The following CNOT3 variants were observed in gnomAD, a reference collection of about 807,000 sequenced individuals.
The protein encoded by CNOT3 is CCR4-associated factor 3.
In CNOT3, 2 loss-of-function variants were observed where a neutral mutation model predicts 89.4. That is an observed-to-expected ratio of 0.02 (90% CI 0.01 to 0.07). CNOT3 has a LOEUF of 0.07. Ranked by LOEUF, CNOT3 falls within the 10% of genes least tolerant of loss-of-function variation. The pLI is 1.00. For synonymous variants in CNOT3, 486 were observed against 402.0 expected (o/e 1.21, Z -2.50); for missense variants, 664 against 1,010.2 (o/e 0.66, Z 4.65).
intron 3 of CNOT3, 88 bp from the exon 4 acceptor site, chr19:54,143,354 T>C: frequency 7.3e-7 from 1 of 1,378,130 alleles, no homozygotes; most frequent in Non-Finnish European, 1.0e-6. Context: ...GGGGGGGTCC[T>C]CGAGTCCCTA....
chr19:54,139,009 T>C (rs1001308531), intron 1 of CNOT3, among the ~76,000 whole-genome samples: 1 of 152,170 alleles, frequency 6.6e-6, no homozygotes, highest in African/African-American at 2.4e-5. Flanking sequence ...TGTGGTCTTG[T>C]TGCTGGGGGC....
At chr19:54,154,108 T>C (rs1351493693) in intron 17 of CNOT3, 1 of 671,760 alleles carries the variant, frequency 1.5e-6, no homozygotes, top group African/African-American at 1.8e-5. Context: ...CCCAGCCCAG[T>C]GCCTCCCCTT....
In CNOT3 at chr19:54,153,859, C is replaced by G. The variant is rs1222178868; in HGVS notation, c.2163+19C>G. 1.9e-6 allele frequency: 3 copies of G among 1,614,076 alleles called. No homozygotes were observed. The highest frequency in any genetic ancestry group is 2.5e-6 in the Non-Finnish European group (3 of 1,179,914). On this transcript the variant is annotated intron_variant, in intron 17 of 17. Coordinates refer to ENST00000221232, the MANE Select transcript of CNOT3 (RefSeq NM_014516.4). ...TGAGCAGGTGAGGGCCCCGCCCCCT[C>G]TCTTCCCGCTGCTAGGGTTGGGGTA...
chr19:54,147,444 C>T (rs1457008677), intron 10 of CNOT3, among the ~76,000 whole-genome samples: 1 of 152,196 alleles, frequency 6.6e-6, no homozygotes, highest in Non-Finnish European at 1.5e-5. Context: ...ACTCCAGGGG[C>T]CAGGCTGGGC....
At position 54,145,536 on chromosome 19, in the gene CNOT3, G is replaced by C; in HGVS notation, c.484-62G>C. On this transcript the variant is annotated intron_variant, in intron 7 of 17. Coordinates refer to ENST00000221232, the MANE Select transcript of CNOT3 (RefSeq NM_014516.4). This position sits in a 1 kb window ranked among gnomAD's most constrained non-coding sequence, Gnocchi z 5.9. ...CAGGGACTGAGGACAGGTTCTGTGG[G>C]GGCAGGAGGGGCCAAGCAGGTGCTC... is the stretch of plus-strand genomic sequence containing the variant. The C allele has an allele frequency of 8.7e-7, 1 of 1,147,992 alleles. No individual in the cohort carries two copies. Among genetic ancestry groups the C allele is most frequent in the South Asian group, 1.3e-5 (1 of 78,944 alleles). The allele number at this position is 1,147,992 out of a possible 1,614,324, so 71.1% of individuals were successfully genotyped here.
At position 54,148,872 on chromosome 19, in the gene CNOT3, C is replaced by T. The variant is rs770518097; in HGVS notation, c.1406+129C>T. On this transcript the variant is annotated intron_variant, in intron 12 of 17. Transcript: ENST00000221232. The surrounding 1 kb of genome is among the most constrained non-coding windows in gnomAD (Gnocchi z 6.3). ...GCTGCTGGGAATGGCCAAGCGCTAT[C>T]CTCCATCTCCCTCGGGTGTTACACC... 2.7e-6 allele frequency: 2 copies of T among 747,258 alleles called. No individual in the cohort carries two copies. Among genetic ancestry groups the T allele is most frequent in the Non-Finnish European group, 4.3e-6 (2 of 464,530 alleles). 46.3% of individuals were successfully genotyped at this position (747,258 alleles called of 1,614,324 possible).
Position 54,153,850 on chromosome 19 carries a change from C to T in CNOT3, c.2163+10C>T, listed in dbSNP as rs776810729. 2.5e-6 allele frequency: 4 copies of T among 1,614,118 alleles called. No homozygotes were observed. The highest frequency in any genetic ancestry group is 3.4e-6 in the Non-Finnish European group (4 of 1,179,960). On this transcript the variant is annotated intron_variant, in intron 17 of 17. Coordinates refer to ENST00000221232, the MANE Select transcript of CNOT3 (RefSeq NM_014516.4). ...TGACGAGTTTGAGCAGGTGAGGGCC[C>T]CGCCCCCTCTCTTCCCGCTGCTAGG...
intron 10 of CNOT3, among the ~76,000 whole-genome samples, chr19:54,147,698 T>C (rs1043273639): frequency 1.3e-5 from 2 of 152,230 alleles, no homozygotes; most frequent in Non-Finnish European, 2.9e-5. Context: ...TGTGAGTAGC[T>C]TCTGTGACCC....
chr19:54,149,436 C>A, intron 12 of CNOT3, 124 bp from the exon 13 acceptor site: 2 of 554,708 alleles, frequency 3.6e-6, no homozygotes, highest in South Asian at 5.8e-5. Flanking sequence ...TCTGTCTGCC[C>A]TCACCTGCCC....
intron 9 of CNOT3, 76 bp downstream of exon 9, chr19:54,146,119 A>G (rs1453689343): frequency 1.9e-6 from 3 of 1,552,268 alleles, no homozygotes; most frequent in Admixed American, 3.4e-5. Context: ...GGGTCACTCC[A>G]AAGTGGCTAT....
In CNOT3 at chr19:54,148,401, C is replaced by T. The variant is rs1174900325; in HGVS notation, c.1148C>T (p.Pro383Leu). The T allele has an allele frequency of 1.3e-6, 2 of 1,562,832 alleles. No homozygotes were observed. The highest frequency in any genetic ancestry group is 1.7e-6 in the Non-Finnish European group (2 of 1,153,122). ...QAVAPPAPSG[P>L]STTQPRPPSV... ...GTGGCCCCACCAGCTCCCAGTGGGC[C>T]CAGCACGACCCAGCCCCGGCCCCCC... The change falls in exon 11 of 18, where the codon CCC becomes CTC. Residue 383 changes from proline to leucine, a missense_variant. Pro to Leu is a moderately conservative substitution (Grantham distance 98, BLOSUM62 -3). This residue lies in a region of CNOT3 where 545 missense variants were observed against 566.2 expected (regional missense o/e 0.96). Transcript: ENST00000221232. This position sits in a 1 kb window ranked among gnomAD's most constrained non-coding sequence, Gnocchi z 6.3.
At chr19:54,147,484 A>G (rs1428787524) in intron 10 of CNOT3, among the ~76,000 whole-genome samples, 1 of 152,202 alleles carries the variant, frequency 6.6e-6, no homozygotes, top group African/African-American at 2.4e-5. Flanking sequence ...CCCACTGCCA[A>G]GCAGCGATGC....
chr19:54,143,850 A>G, intron 5 of CNOT3, 101 bp downstream of exon 5: 4 of 1,473,530 alleles, frequency 2.7e-6, no homozygotes, highest in Non-Finnish European at 3.7e-6. Flanking sequence ...GAGGTCCTCA[A>G]GAGAAGTAAG....
intron 16 of CNOT3, chr19:54,153,461 C>T: frequency 1.3e-6 from 1 of 775,710 alleles, no homozygotes; most frequent in East Asian, 2.4e-5. Flanking sequence ...CCTCTCTCAG[C>T]TCTCATCACA....
chr19:54,139,690 CTT>C (rs2074370849), intron 1 of CNOT3, among the ~76,000 whole-genome samples: 1 of 152,170 alleles, frequency 6.6e-6, no homozygotes, highest in Non-Finnish European at 1.5e-5. Flanking sequence ...AAAACCCCCT[CTT>C]GATTTGTCAC....
intron 13 of CNOT3, among the ~76,000 whole-genome samples, chr19:54,150,184 C>T (rs2074991499): frequency 6.6e-6 from 1 of 152,066 alleles, no homozygotes; most frequent in African/African-American, 2.4e-5. Context: ...AGCTTCCCTG[C>T]TGGGGCAGCT....
chr19:54,153,067 G>A (rs1361454236), intron 16 of CNOT3, 68 bp downstream of exon 16: 6 of 1,523,802 alleles, frequency 3.9e-6, no homozygotes, highest in Non-Finnish European at 5.4e-6. Context: ...GTCCCCCCTC[G>A]GGCTGGAGGG....
chr19:54,155,229 T>A (rs769456298), intron 17 of CNOT3, 80 bp from the exon 18 acceptor site: 1 of 1,566,032 alleles, frequency 6.4e-7, no homozygotes, highest in South Asian at 1.2e-5. Context: ...CCCTAAGAAT[T>A]GTCCCCTTTG....
rs981482450 is a variant in CNOT3 at position 54,145,119 on chromosome 19, G to A, written c.484-479G>A. 6.6e-6 allele frequency among the ~76,000 whole-genome samples: 1 copy of A among 152,120 alleles called. No homozygotes were observed. The highest frequency in any genetic ancestry group is 1.5e-5 in the Non-Finnish European group (1 of 68,004). On this transcript the variant is annotated intron_variant, in intron 7 of 17. Transcript: ENST00000221232. This position sits in a 1 kb window ranked among gnomAD's most constrained non-coding sequence, Gnocchi z 5.9. ...AATCTGGGCTCTCTCAGGGATAAATGGGTAGGGTTGGGGGCCTAGTGATGA... is the reference window on the plus strand; with the variant it reads ...AATCTGGGCTCTCTCAGGGATAAATAGGTAGGGTTGGGGGCCTAGTGATGA...
Sources: allele counts gnomAD v4.1 joint callset (sites outside exome capture counted in the v4.1 genomes callset), GRCh38; gene constraint gnomAD v4.1.1; regional missense constraint gnomAD v4.1.1; non-coding constraint Gnocchi (gnomAD v3.1); transcripts MANE v1.5; gene names NCBI Gene and HGNC (gene_info 2026-07-23, HGNC 2026-07-21).